Variants in CEP76 observed in about 807,000 individuals in gnomAD.
CEP76 encodes centrosomal protein of 76 kDa.
CEP76 carries 55 observed loss-of-function variants against 83.3 expected under a neutral mutation model. That is an observed-to-expected ratio of 0.66 (90% CI 0.53 to 0.83). The LOEUF (loss-of-function observed/expected upper bound fraction) is 0.83, where lower values mean the gene tolerates loss of function less well. Among genes scored for constraint, CEP76 ranks in the 40% least tolerant of loss-of-function variants. CEP76 has a pLI of 0.00. For missense variants in CEP76, 694 were observed against 799.5 expected, an observed-to-expected ratio of 0.87 and a Z score of 1.59; for synonymous variants, 270 against 274.5, an observed-to-expected ratio of 0.98 and a Z score of 0.16.
At chr18:12,688,536 T>C (rs1370297963) in intron 7 of CEP76, among the ~76,000 whole-genome samples, 1 of 152,180 alleles carries the variant, frequency 6.6e-6, no homozygotes. Flanking sequence ...CAATCATCAA[T>C]AGTAGCATCT....
chr18:12,695,243 TA>T lies in CEP76; in HGVS notation c.804+10del. On this transcript the variant is annotated intron_variant, in intron 6 of 11. Coordinates refer to ENST00000262127, the MANE Select transcript of CEP76 (RefSeq NM_024899.4). ...AAACACACAAAAAAAGAGAAACTCA[TA>T]AGTATTTACCTGTGTGTTCACTACT... is the stretch of plus-strand genomic sequence containing the variant. 1 of 1,242,876 alleles carries T rather than the reference TA, an allele frequency of 8.0e-7. No homozygotes were observed. The highest frequency in any genetic ancestry group is 1.1e-6 in the Non-Finnish European group (1 of 880,054). 77.0% of individuals were successfully genotyped at this position (1,242,876 alleles called of 1,614,324 possible).
intron 11 of CEP76, 138 bp downstream of exon 11, chr18:12,674,398 T>C (rs1467765481): frequency 9.6e-6 from 6 of 623,736 alleles, no homozygotes; most frequent in Non-Finnish European, 1.1e-5. Flanking sequence ...GCCATAACTG[T>C]GCCACTGTAC....
rs754179948 is a variant in CEP76 at position 12,678,371 on chromosome 18, C to T, written c.1361G>A (p.Arg454Gln). ...ATGGTTGAAAACACAACCAATTGTTCGATATGGGTACAGTGGTTTGGGCTG... is the reference window on the plus strand; with the variant it reads ...ATGGTTGAAAACACAACCAATTGTTTGATATGGGTACAGTGGTTTGGGCTG... Reference protein sequence around the residue: ...AEQPKPLYPYRTIGCVFNHQM... With the variant: ...AEQPKPLYPYQTIGCVFNHQM... The change falls in exon 10 of 12, where the codon CGA becomes CAA. Residue 454 changes from arginine to glutamine, a missense_variant. Physicochemically the swap from Arg to Gln is conservative, Grantham distance 43 (BLOSUM62 1). Coordinates refer to ENST00000262127, the MANE Select transcript of CEP76 (RefSeq NM_024899.4). 3.1e-5 allele frequency: 50 copies of T among 1,613,962 alleles called. No individual in the cohort carries two copies. The highest frequency in any genetic ancestry group is 4.2e-5 in the Non-Finnish European group (50 of 1,180,008).
chr18:12,684,064 G>A (rs566048970), intron 8 of CEP76, among the ~76,000 whole-genome samples: 4 of 149,944 alleles, frequency 2.7e-5, no homozygotes, highest in East Asian at 3.9e-4. Context: ...TTGCTCTGTC[G>A]TCCAGTTTGG....
intron 3 of CEP76, 94 bp downstream of exon 3, chr18:12,699,735 GA>G (rs1182913231): frequency 1.2e-5 from 8 of 684,974 alleles, no homozygotes; most frequent in East Asian, 9.3e-5. Flanking sequence ...ATTTTGGGGG[GA>G]AAAAATGGAA....
intron 7 of CEP76, among the ~76,000 whole-genome samples, chr18:12,688,052 G>A (rs1475173691): frequency 2.0e-5 from 3 of 151,642 alleles, no homozygotes; most frequent in African/African-American, 7.3e-5. Context: ...TTCCATCCTG[G>A]CTAACATGGT....
chr18:12,668,625 A>T (rs1321055501), downstream of CEP76, among the ~76,000 whole-genome samples: 1 of 144,524 alleles, frequency 6.9e-6, no homozygotes, highest in African/African-American at 2.6e-5. Flanking sequence ...AAAAAAAAAA[A>T]AAAATAGTGA....
At position 12,678,353 on chromosome 18, in the gene CEP76, A is replaced by G; in HGVS notation, c.1379T>C (p.Phe460Ser). The change falls in exon 10 of 12, where the codon TTC becomes TCC. Residue 460 changes from phenylalanine (F) to serine (S), a missense_variant. Physicochemically the swap from Phe to Ser is radical, Grantham distance 155 (BLOSUM62 -2). Coordinates refer to ENST00000262127, the MANE Select transcript of CEP76 (RefSeq NM_024899.4). ...ATTTCCCAGGAACATCTGATGGTTG[A>G]AAACACAACCAATTGTTCGATATGG... ...LYPYRTIGCV[F>S]NHQMFLGNCQ... 6.2e-7 allele frequency: 1 copy of G among 1,614,132 alleles called. No homozygotes were observed.
intron 7 of CEP76, among the ~76,000 whole-genome samples, chr18:12,687,033 G>C (rs2039563658): frequency 6.6e-6 from 1 of 152,154 alleles, no homozygotes; most frequent in Non-Finnish European, 1.5e-5. Flanking sequence ...TCCTGGTGTT[G>C]GTGCTGAATA....
At chr18:12,690,905 T>A (rs2145067999) in intron 7 of CEP76, among the ~76,000 whole-genome samples, 1 of 151,954 alleles carries the variant, frequency 6.6e-6, no homozygotes, top group Admixed American at 6.6e-5. Context: ...CAATTTTTTT[T>A]AAAACCCTAA....
intron 8 of CEP76, chr18:12,686,036 C>T (rs2039528711): frequency 2.5e-6 from 1 of 395,286 alleles, no homozygotes; most frequent in African/African-American, 2.0e-5. Context: ...GCTACATAAA[C>T]GTTGTTACAC....
chr18:12,667,589 C>T (rs1209222082), intron 12 of CEP76, among the ~76,000 whole-genome samples: 5 of 150,744 alleles, frequency 3.3e-5, no homozygotes, highest in African/African-American at 4.9e-5. Flanking sequence ...GTGAAACCCC[C>T]GTCTCTAGTA....
intron 2 of CEP76, 101 bp from the exon 3 acceptor site, chr18:12,700,006 G>A (rs1446377836): frequency 2.5e-5 from 15 of 592,706 alleles, no homozygotes; most frequent in Non-Finnish European, 3.3e-5. Context: ...AAGTCAACAG[G>A]GTAAGGCCCT....
At position 12,682,984 on chromosome 18, in the gene CEP76, A is replaced by G. The variant is rs113616490; in HGVS notation, c.1123-2156T>C. Among the ~76,000 whole-genome samples, 422 of 152,196 alleles carry G rather than the reference A, an allele frequency of 2.8e-3. 1 individual carries two copies. The highest frequency in any genetic ancestry group is 0.01 in the Middle Eastern group (3 of 294). On this transcript the variant is annotated intron_variant, in intron 8 of 11. Coordinates refer to ENST00000262127, the MANE Select transcript of CEP76 (RefSeq NM_024899.4). ...GTCCTAAAGAAAATTCAGAAGTAAAATAAAAATATCTGCAAAGATAGTCAG... is the reference window on the plus strand; with the variant it reads ...GTCCTAAAGAAAATTCAGAAGTAAAGTAAAAATATCTGCAAAGATAGTCAG...
chr18:12,700,898 A>AGTGTTAC, intron 2 of CEP76, 60 bp downstream of exon 2: 1 of 1,362,178 alleles, frequency 7.3e-7, no homozygotes, highest in East Asian at 2.3e-5. Flanking sequence ...CCTTATAAGT[A>AGTGTTAC]GTGTTACGCA....
chr18:12,681,648 G>C (rs1375902088), intron 8 of CEP76, among the ~76,000 whole-genome samples: 1 of 152,064 alleles, frequency 6.6e-6, no homozygotes, highest in Non-Finnish European at 1.5e-5. Context: ...CTCAACCAAT[G>C]ACTGATAGTA....
At chr18:12,686,867 A>G (rs1307336045) in intron 7 of CEP76, 1 of 152,766 alleles carries the variant, frequency 6.5e-6, no homozygotes, top group Non-Finnish European at 1.5e-5. Flanking sequence ...ATTGGCTGAT[A>G]TAACAGAAAT....
chr18:12,674,759 A>G lies in CEP76; in HGVS notation c.1624-6T>C. The G allele has an allele frequency of 6.4e-7, 1 of 1,574,618 alleles. No homozygotes were observed. Among genetic ancestry groups the G allele is most frequent in the Non-Finnish European group, 8.6e-7 (1 of 1,157,956 alleles). On this transcript the variant is annotated splice_region_variant and splice_polypyrimidine_tract_variant and intron_variant, in intron 10 of 11. Transcript: ENST00000262127. The stretch of plus-strand genomic sequence containing the variant: ...ACAGTAGTGAGGCCAAGATCCTATG[A>G]GCAATCAAGAGAAAAAGAAAAAGTG...
chr18:12,688,639 A>G (rs143438165), intron 7 of CEP76, among the ~76,000 whole-genome samples: 72 of 152,316 alleles, frequency 4.7e-4, no homozygotes, highest in Admixed American at 1.6e-3. Context: ...AAAAGTTAAT[A>G]TTTCAACCTC....
Sources: allele counts gnomAD v4.1 joint callset (sites outside exome capture counted in the v4.1 genomes callset), GRCh38; gene constraint gnomAD v4.1.1; transcripts MANE v1.5; gene names NCBI Gene and HGNC (gene_info 2026-07-23, HGNC 2026-07-21).